TSPEAR: variants seen among roughly 807,000 people sequenced by gnomAD.
The protein encoded by TSPEAR is thrombospondin type laminin G domain and EAR repeats.
Under a neutral mutation model 71.6 loss-of-function variants are expected in TSPEAR, and 69 were observed. That is an observed-to-expected ratio of 0.96 (90% confidence interval 0.79 to 1.18). TSPEAR has a LOEUF of 1.18. Ranked by LOEUF, TSPEAR falls within the 50% of genes most tolerant of loss-of-function variation. TSPEAR has a pLI of 0.00. For missense variants in TSPEAR, 971 were observed against 894.9 expected (o/e 1.09, Z -1.09); for synonymous variants, 402 against 387.2 (o/e 1.04, Z -0.45).
Position 44,521,955 on chromosome 21 carries a change from G to A in TSPEAR, c.1494C>T (p.Gly498=), listed in dbSNP as rs782797353. The A allele has an allele frequency of 1.2e-6, 2 of 1,614,020 alleles. No individual in the cohort carries two copies. The highest frequency in any genetic ancestry group is 1.7e-6 in the Non-Finnish European group (2 of 1,180,018). The part of the protein sequence containing the change: ...SFLVVANTFN[G]TSTKVHSHLY... ...GGTGCGAGTGCACCTTGGTGGAGGT[G>A]CCGTTGAAGGTGTTGGCCACCACCA... is the stretch of plus-strand genomic sequence containing the variant. The change falls in exon 9 of 12, where the codon GGC becomes GGT. Residue 498 remains glycine, a synonymous_variant. Coordinates refer to ENST00000323084, the MANE Select transcript of TSPEAR (RefSeq NM_144991.3).
rs587594904 is a variant in TSPEAR at position 44,569,693 on chromosome 21, C to T, written c.83-1688G>A. Among the ~76,000 whole-genome samples the T allele has an allele frequency of 3.3e-5, 5 of 152,200 alleles. No individual in the cohort carries two copies. In the East Asian group the frequency reaches 7.7e-4, roughly 23 times the overall value. On this transcript the variant is annotated intron_variant, in intron 1 of 11. Coordinates refer to ENST00000323084, the MANE Select transcript of TSPEAR (RefSeq NM_144991.3). ...AAGGTAGAGTGTGAGGAGGCTTTGCCGCTTCTTGGAAAGACCCTGAGTTAT... is the reference window on the plus strand; with the variant it reads ...AAGGTAGAGTGTGAGGAGGCTTTGCTGCTTCTTGGAAAGACCCTGAGTTAT...
Position 44,591,335 on chromosome 21 carries a change from G to A in TSPEAR, c.83-23330C>T, listed in dbSNP as rs998601035. 6.5e-4 allele frequency: 1,012 copies of A among 1,556,390 alleles called. 5 individuals carry two copies. The African/African-American group carries it at 0.012, about 19-fold the overall frequency. ...AGAGAGGGCAGAGCTTGCTGGGGCA[G>A]CTGGGAGGTCAGCCCCTGGTGGGAA... On this transcript the variant is annotated intron_variant, in intron 1 of 11. Transcript: ENST00000323084.
rs1569161769 is a variant in TSPEAR, at chr21:44,521,876, G to C, written c.1566+7C>G. 1 of 1,612,110 alleles carries C rather than the reference G, an allele frequency of 6.2e-7. No individual in the cohort carries two copies. The highest frequency in any genetic ancestry group is 8.5e-7 in the Non-Finnish European group (1 of 1,178,786). ...TGGAGAGCCGGGGCTCATGCGGGGG[G>C]CCTTACCGGGAAGGACTGGAAGAGC... is the stretch of plus-strand genomic sequence containing the variant. On this transcript the variant is annotated splice_region_variant and intron_variant, in intron 9 of 11. Transcript: ENST00000323084.
intron 8 of TSPEAR, among the ~76,000 whole-genome samples, chr21:44,523,304 AGTTT>A (rs1555914532): frequency 2.6e-3 from 393 of 151,170 alleles, no homozygotes; most frequent in Middle Eastern, 0.01. Flanking sequence ...TCAGTCAGTC[AGTTT>A]GTCAGTCAGT....
intron 8 of TSPEAR, among the ~76,000 whole-genome samples, chr21:44,523,107 TAGTC>T (rs1294948028): frequency 1.4e-5 from 2 of 139,668 alleles, no homozygotes; most frequent in African/African-American, 6.7e-5. Flanking sequence ...GCCAGCCAAT[TAGTC>T]AGTGAAGTAG....
intron 7 of TSPEAR, 64 bp from the exon 8 acceptor site, chr21:44,525,903 G>T: frequency 6.6e-7 from 1 of 1,513,590 alleles, no homozygotes; most frequent in Non-Finnish European, 9.1e-7. Context: ...CCTGGTTTCT[G>T]AAGGCTTCTG....
intron 2 of TSPEAR, among the ~76,000 whole-genome samples, chr21:44,554,645 G>T (rs432807): frequency 0.22 from 34,202 of 152,126 alleles, 4,071 homozygotes; most frequent in East Asian, 0.37. Flanking sequence ...ATGCTAGTGT[G>T]AGAGGCCGCT....
At chr21:44,643,941 C>T (rs1299552001) in intron 1 of TSPEAR, among the ~76,000 whole-genome samples, 4 of 152,200 alleles carry the variant, frequency 2.6e-5, no homozygotes, top group Admixed American at 6.5e-5. Flanking sequence ...CAGCCAGCCA[C>T]GACGAAAGGG....
At chr21:44,530,902 G>A in intron 4 of TSPEAR, 141 bp downstream of exon 4, 1 of 726,690 alleles carries the variant, frequency 1.4e-6, no homozygotes, top group Non-Finnish European at 2.4e-6. Flanking sequence ...AAGGCCCTGT[G>A]GTAGAGACTC....
chr21:44,574,276 G>A (rs1978309370), intron 1 of TSPEAR: 1 of 1,607,304 alleles, frequency 6.2e-7, no homozygotes, highest in Non-Finnish European at 8.5e-7. Flanking sequence ...TCTTCGTGCT[G>A]CCAGCAGTCT....
intron 1 of TSPEAR, among the ~76,000 whole-genome samples, chr21:44,709,279 G>T (rs1245536737): frequency 6.6e-6 from 1 of 152,236 alleles, no homozygotes; most frequent in Non-Finnish European, 1.5e-5. Context: ...GCATCACGCA[G>T]CCCGGACCAC....
At chr21:44,646,372 C>T in intron 1 of TSPEAR, 2 of 1,520,526 alleles carry the variant, frequency 1.3e-6, no homozygotes, top group Non-Finnish European at 1.8e-6. Context: ...AAAAGCCCCA[C>T]AGCCCTGAGC....
chr21:44,586,014 G>C (rs1226006606), intron 1 of TSPEAR, among the ~76,000 whole-genome samples: 1 of 152,210 alleles, frequency 6.6e-6, no homozygotes, highest in Non-Finnish European at 1.5e-5. Flanking sequence ...AGGGGCTTTG[G>C]TTCATTTTGG....
At chr21:44,580,946 G>C (rs1215383107) in intron 1 of TSPEAR, among the ~76,000 whole-genome samples, 4 of 152,202 alleles carry the variant, frequency 2.6e-5, no homozygotes, top group African/African-American at 9.7e-5. Flanking sequence ...CTTCTCTAAA[G>C]GGAGGAATTC....
intron 1 of TSPEAR, among the ~76,000 whole-genome samples, chr21:44,705,456 C>T (rs1168784821): frequency 6.6e-6 from 1 of 152,246 alleles, no homozygotes; most frequent in African/African-American, 2.4e-5. Flanking sequence ...AAGAACAGAG[C>T]CATATTTCTC....
In TSPEAR at chr21:44,595,299, C is replaced by A. The variant is rs145233511; in HGVS notation, c.83-27294G>T. ...CCCATTCTCATTATTCCCAGAGGCT[C>A]TGTTCTATACAGTCTCCACCAGCAC... On this transcript the variant is annotated intron_variant, in intron 1 of 11. Coordinates refer to ENST00000323084, the MANE Select transcript of TSPEAR (RefSeq NM_144991.3). Among the ~76,000 whole-genome samples, 482 of 152,320 alleles carry A rather than the reference C, an allele frequency of 3.2e-3. 2 individuals carry two copies. Among genetic ancestry groups the A allele is most frequent in the Non-Finnish European group, 5.6e-3 (382 of 68,032 alleles).
intron 1 of TSPEAR, among the ~76,000 whole-genome samples, chr21:44,707,742 A>G (rs1252859300): frequency 6.6e-6 from 1 of 152,130 alleles, no homozygotes; most frequent in Non-Finnish European, 1.5e-5. Flanking sequence ...GTTTTCTGAG[A>G]GACAAAGGTG....
chr21:44,556,477 G>A (rs2053531663), intron 2 of TSPEAR, among the ~76,000 whole-genome samples: 1 of 149,156 alleles, frequency 6.7e-6, no homozygotes, highest in South Asian at 2.2e-4. Flanking sequence ...TGGATCATAA[G>A]GTCAGAAGTT....
chr21:44,615,910 A>T (rs1555932365), intron 1 of TSPEAR, among the ~76,000 whole-genome samples: 1 of 152,190 alleles, frequency 6.6e-6, no homozygotes, highest in East Asian at 1.9e-4. Flanking sequence ...GGAGGTCTTC[A>T]TCAAGGAAAA....
Sources: allele counts gnomAD v4.1 joint callset (sites outside exome capture counted in the v4.1 genomes callset), GRCh38; gene constraint gnomAD v4.1.1; transcripts MANE v1.5; gene names NCBI Gene and HGNC (gene_info 2026-07-23, HGNC 2026-07-21).